PFKFB2: variants seen among roughly 807,000 people sequenced by gnomAD.
PFKFB2 encodes 6-phosphofructo-2-kinase/fructose-2,6-biphosphatase 2.
A neutral mutation model predicts 68.0 loss-of-function variants in PFKFB2; 53 were observed. That is an observed-to-expected ratio of 0.78 (90% CI 0.63 to 0.98). The LOEUF (loss-of-function observed/expected upper bound fraction) is 0.98. Ranked by LOEUF, PFKFB2 falls within the 50% of genes least tolerant of loss-of-function variation. The probability of loss-of-function intolerance (pLI) is 0.00; values close to 1 mark genes in which losing one functional copy is unlikely to be tolerated. For missense variants in PFKFB2, 451 were observed against 642.0 expected (o/e 0.70, Z 3.22); for synonymous variants, 222 against 227.6 (o/e 0.98, Z 0.22).
upstream of PFKFB2, chr1:207,052,738 T>G (rs1005867371): frequency 1.3e-5 from 2 of 157,010 alleles, no homozygotes; most frequent in African/African-American, 4.8e-5. Flanking sequence ...GGTTCAACGA[T>G]GAGAGTGGTT....
intron 2 of PFKFB2, among the ~76,000 whole-genome samples, chr1:207,043,401 T>C (rs1682517428): frequency 6.6e-6 from 1 of 152,220 alleles, no homozygotes; most frequent in South Asian, 2.1e-4. Flanking sequence ...TTTAGTTTAG[T>C]TAGGGAACCT....
upstream of PFKFB2, among the ~76,000 whole-genome samples, chr1:207,051,592 C>T (rs772005726): frequency 6.6e-6 from 1 of 152,162 alleles, no homozygotes; most frequent in African/African-American, 2.4e-5. Flanking sequence ...GCATCTGGGC[C>T]CAGGGCAGCT....
intron 2 of PFKFB2, among the ~76,000 whole-genome samples, chr1:207,055,629 T>C (rs1682895342): frequency 7.1e-6 from 1 of 140,176 alleles, no homozygotes; most frequent in African/African-American, 2.8e-5. Context: ...TCAGTTCTTC[T>C]CACTTCAGTG....
At chr1:207,040,105 G>A (rs1682448580) in intron 1 of PFKFB2, among the ~76,000 whole-genome samples, 1 of 152,176 alleles carries the variant, frequency 6.6e-6, no homozygotes, top group Admixed American at 6.5e-5. Context: ...TAGCTGTGTT[G>A]GACTTACAAG....
rs1558064380 is a variant in PFKFB2 at position 207,069,498 on chromosome 1, G to T, written c.1062G>T (p.Glu354Asp). 8 of 1,613,482 alleles carry T rather than the reference G, an allele frequency of 5.0e-6. No individual in the cohort carries two copies. The highest frequency in any genetic ancestry group is 5.1e-6 in the Non-Finnish European group (6 of 1,179,394). The change falls in exon 11 of 15, where the codon GAG (glutamate) becomes GAT (aspartate). Residue 354 changes from glutamate (E) to aspartate (D), a missense_variant. Transcript: ENST00000367080. ...YPEEFALRDQ[E>D]KYLYRYPGGE... The stretch of plus-strand genomic sequence containing the variant: ...AAGAGTTTGCACTTCGAGATCAAGA[G>T]AAGTATCTGTATCGATATCCTGGTG...
chr1:207,073,050 G>A lies in PFKFB2; in HGVS notation c.*679G>A. ...TTCCTCTCCAGCCAGGTCCTGTAAG[G>A]GCCAGCCCAGACTACAGGACATCCA... On this transcript the variant is annotated 3_prime_UTR_variant, in exon 15 of 15. Coordinates refer to ENST00000367080, the MANE Select transcript of PFKFB2 (RefSeq NM_006212.2). 3 of 985,438 alleles carry A rather than the reference G, an allele frequency of 3.0e-6. No homozygotes were observed. Among genetic ancestry groups the A allele is most frequent in the Non-Finnish European group, 2.4e-6 (2 of 829,998 alleles). The allele number at this position is 985,438 out of a possible 1,614,324, so 61.0% of individuals were successfully genotyped here.
At chr1:207,053,876 T>C (rs1175715485) in intron 1 of PFKFB2, among the ~76,000 whole-genome samples, 2 of 151,560 alleles carry the variant, frequency 1.3e-5, no homozygotes, top group Non-Finnish European at 2.9e-5. Context: ...CTCACTTTTT[T>C]CTTTTCTTTC....
In PFKFB2 at chr1:207,076,611, A is replaced by G; in HGVS notation, c.*4240A>G. 2.0e-6 allele frequency: 2 copies of G among 985,514 alleles called. No individual in the cohort carries two copies. The highest frequency in any genetic ancestry group is 2.4e-6 in the Non-Finnish European group (2 of 829,958). 61.0% of individuals were successfully genotyped at this position (985,514 alleles called of 1,614,324 possible). Reference sequence around the variant, plus strand: ...CCATACTGTCCAGGAGACTGTCTCTAGTTGGATCTCTGTGCTGACTGACTG... The same window carrying G: ...CCATACTGTCCAGGAGACTGTCTCTGGTTGGATCTCTGTGCTGACTGACTG... On this transcript the variant is annotated 3_prime_UTR_variant, in exon 15 of 15. Coordinates refer to ENST00000367080, the MANE Select transcript of PFKFB2 (RefSeq NM_006212.2).
intron 13 of PFKFB2, 94 bp from the exon 14 acceptor site, chr1:207,071,415 A>G: frequency 8.9e-7 from 1 of 1,121,226 alleles, no homozygotes; most frequent in Non-Finnish European, 1.4e-6. Flanking sequence ...GTATTGCAGA[A>G]TGCGTACATT....
At chr1:207,054,842 A>C (rs376800687) in intron 2 of PFKFB2, 40 bp downstream of exon 2, 2 of 1,357,976 alleles carry the variant, frequency 1.5e-6, no homozygotes, top group East Asian at 4.6e-5. Flanking sequence ...CTCTCTCAGC[A>C]TTTTATCTTG....
intron 1 of PFKFB2, among the ~76,000 whole-genome samples, chr1:207,037,366 C>T (rs549577971): frequency 1.3e-5 from 2 of 152,320 alleles, no homozygotes; most frequent in Non-Finnish European, 1.5e-5. Flanking sequence ...AGTTCTTCTT[C>T]CCTTACCTGG....
At position 207,072,808 on chromosome 1, in the gene PFKFB2, G is replaced by A. The variant is rs1683507199; in HGVS notation, c.*437G>A. ...AAAAGTCTATTTTTCCTTCACTTTT[G>A]TCTCTTCAATGTGTGTTTTCCTCAC... On this transcript the variant is annotated 3_prime_UTR_variant, in exon 15 of 15. Transcript: ENST00000367080. 1.0e-6 allele frequency: 1 copy of A among 994,312 alleles called. No individual in the cohort carries two copies. The highest frequency in any genetic ancestry group is 1.2e-6 in the Non-Finnish European group (1 of 835,856). 61.6% of individuals were successfully genotyped at this position (994,312 alleles called of 1,614,324 possible).
chr1:207,068,797 G>C (rs914373197), intron 10 of PFKFB2, among the ~76,000 whole-genome samples: 4 of 151,584 alleles, frequency 2.6e-5, no homozygotes, highest in Non-Finnish European at 5.9e-5. Flanking sequence ...GCCCAGGCTG[G>C]AGTGCAGTGG....
Position 207,074,963 on chromosome 1 carries a change from T to G in PFKFB2, c.*2592T>G, listed in dbSNP as rs1385877232. On this transcript the variant is annotated 3_prime_UTR_variant, in exon 15 of 15. Coordinates refer to ENST00000367080, the MANE Select transcript of PFKFB2 (RefSeq NM_006212.2). ...ATGGTTGGGGAGGCGTGTTTGGCACTTTTACAAGGTTGCATTGTCCACATT... is the reference window on the plus strand; with the variant it reads ...ATGGTTGGGGAGGCGTGTTTGGCACGTTTACAAGGTTGCATTGTCCACATT... 3.0e-6 allele frequency: 3 copies of G among 985,342 alleles called. No individual in the cohort carries two copies. The highest frequency in any genetic ancestry group is 3.6e-6 in the Non-Finnish European group (3 of 829,946). 61.0% of individuals were successfully genotyped at this position (985,342 alleles called of 1,614,324 possible).
chr1:207,055,147 T>C (rs1682882199), intron 2 of PFKFB2, among the ~76,000 whole-genome samples: 1 of 152,180 alleles, frequency 6.6e-6, no homozygotes, highest in South Asian at 2.1e-4. Context: ...CAGGAATTAC[T>C]TGGAGCTGGT....
rs1343085555 is a variant in PFKFB2 at position 207,072,715 on chromosome 1, G to A, written c.*344G>A. The A allele has an allele frequency of 4.8e-6, 5 of 1,050,914 alleles. No individual in the cohort carries two copies. The highest frequency in any genetic ancestry group is 5.7e-6 in the Non-Finnish European group (5 of 872,620). 65.1% of individuals were successfully genotyped at this position (1,050,914 alleles called of 1,614,324 possible). ...TTGGATCTTCTCTCTGTTCCCTGGT[G>A]TCTTCACTAATGTCCTCATGTTGGT... On this transcript the variant is annotated 3_prime_UTR_variant, in exon 15 of 15. Transcript: ENST00000367080.
chr1:207,061,109 C>CTTTATATATATTTT (rs61063813), intron 2 of PFKFB2, among the ~76,000 whole-genome samples: 1 of 79,548 alleles, frequency 1.3e-5, no homozygotes, highest in African/African-American at 4.8e-5. Flanking sequence ...TTATATATAT[C>CTTTATATATATTTT]TATATATCTT....
upstream of PFKFB2, chr1:207,050,654 G>A (rs373472473): frequency 5.0e-6 from 8 of 1,608,890 alleles, no homozygotes; most frequent in African/African-American, 9.4e-5. Context: ...CCATCCTCCC[G>A]GGACTTTCCC....
At chr1:207,052,302 C>A, upstream of PFKFB2, 1 of 1,340,104 alleles carries the variant, frequency 7.5e-7, no homozygotes, top group Admixed American at 1.7e-5. Flanking sequence ...TTCTTCAAGA[C>A]GACTGCAACG....
Sources: gnomAD v4.1 joint callset for allele counts (sites outside exome capture counted in the v4.1 genomes callset) on GRCh38, gnomAD v4.1.1 for gene constraint, MANE v1.5 for transcripts, NCBI Gene and HGNC (gene_info 2026-07-23, HGNC 2026-07-21) for gene names.